The following NHSL2 variants were observed in gnomAD, a reference collection of about 807,000 sequenced individuals.
NHSL2 encodes the protein NHS like 2.
Under a neutral mutation model 53.4 loss-of-function variants are expected in NHSL2, and 27 were observed. The ratio of observed to expected loss-of-function variants is 0.51; its 90% CI spans 0.37 to 0.70. The LOEUF (loss-of-function observed/expected upper bound fraction) is 0.70, where lower values mean the gene tolerates loss of function less well. Among genes scored for constraint, NHSL2 ranks in the 30% least tolerant of loss-of-function variants. The pLI, the probability that NHSL2 is intolerant of heterozygous loss-of-function variation, is 0.00. For synonymous variants in NHSL2, 408 were observed against 404.1 expected (o/e 1.01, Z -0.12); for missense variants, 892 against 980.1 (o/e 0.91, Z 1.20).
chrX:71,914,402 C>T (rs2041618525), intron 1 of NHSL2, among the ~76,000 whole-genome samples: 1 of 112,232 alleles, frequency 8.9e-6, no homozygotes, highest in Non-Finnish European at 1.9e-5. Context: ...GCAATCAGGC[C>T]ATCCGCGTAG....
intron 1 of NHSL2, among the ~76,000 whole-genome samples, chrX:72,020,161 C>T (rs1210830694): frequency 8.9e-6 from 1 of 112,635 alleles, no homozygotes; most frequent in Non-Finnish European, 1.9e-5. Flanking sequence ...CAGGAAAGTA[C>T]AAAGAAGAAC....
At chrX:71,964,059 G>GTA (rs1382533208) in intron 1 of NHSL2, among the ~76,000 whole-genome samples, 2 of 72,436 alleles carry the variant, frequency 2.8e-5, no homozygotes, top group East Asian at 8.8e-4. Flanking sequence ...ATATATATGT[G>GTA]TATATATATA....
chrX:72,134,324 G>A (rs1302781446), intron 3 of NHSL2, 106 bp downstream of exon 3: 1 of 952,039 alleles, frequency 1.1e-6, no homozygotes, highest in Non-Finnish European at 1.4e-6. Context: ...CTGCTCACCA[G>A]CAGAGCTACC....
intron 5 of NHSL2, among the ~76,000 whole-genome samples, chrX:72,137,525 G>A (rs1443798094): frequency 8.9e-6 from 1 of 111,747 alleles, no homozygotes; most frequent in Admixed American, 9.5e-5. Context: ...AAGAGAGAGG[G>A]TTCCTCACCA....
At chrX:72,006,164 C>T (rs924496247) in intron 1 of NHSL2, among the ~76,000 whole-genome samples, 1 of 112,116 alleles carries the variant, frequency 8.9e-6, no homozygotes, top group Non-Finnish European at 1.9e-5. Context: ...TCCTTACTGG[C>T]CTCCTTTCTG....
intron 1 of NHSL2, among the ~76,000 whole-genome samples, chrX:71,935,572 G>GCGGAGT (rs779836340): frequency 8.9e-6 from 1 of 112,903 alleles, no homozygotes; most frequent in African/African-American, 3.2e-5. Context: ...TTGGTTCCAG[G>GCGGAGT]CGGAGTCGGT....
chrX:72,016,898 G>C (rs1242593005), intron 1 of NHSL2, among the ~76,000 whole-genome samples: 1 of 112,320 alleles, frequency 8.9e-6, no homozygotes, highest in Non-Finnish European at 1.9e-5. Context: ...CTTCACAGAA[G>C]GGAGTGAAGA....
chrX:72,066,751 T>C (rs1376206458), intron 1 of NHSL2, among the ~76,000 whole-genome samples: 1 of 112,117 alleles, frequency 8.9e-6, no homozygotes, highest in Non-Finnish European at 1.9e-5. Context: ...TGTCTTAGCC[T>C]GTTTAAGTAT....
intron 1 of NHSL2, among the ~76,000 whole-genome samples, chrX:71,946,904 C>T (rs781210064): frequency 6.3e-4 from 70 of 111,980 alleles, no homozygotes; most frequent in Admixed American, 4.8e-3. Flanking sequence ...CTTCCTTCTG[C>T]TGCCAGGGCT....
intron 1 of NHSL2, among the ~76,000 whole-genome samples, chrX:72,040,247 A>G (rs2042266281): frequency 8.9e-6 from 1 of 112,027 alleles, no homozygotes; most frequent in Non-Finnish European, 1.9e-5. Flanking sequence ...ATGGGAACAC[A>G]GATCATATCC....
chrX:71,988,867 C>T (rs1388982599), intron 1 of NHSL2, among the ~76,000 whole-genome samples: 1 of 111,869 alleles, frequency 8.9e-6, no homozygotes, highest in African/African-American at 3.3e-5. Context: ...AGAATGGCTA[C>T]TCCATAGGCA....
chrX:71,970,850 A>C (rs906114653), intron 1 of NHSL2, among the ~76,000 whole-genome samples: 55 of 111,024 alleles, frequency 5.0e-4, no homozygotes, highest in Non-Finnish European at 2.1e-4. Context: ...TGGTGCAGTC[A>C]TTGCTAACTG....
chrX:71,964,857 T>C (rs1392400911), intron 1 of NHSL2, among the ~76,000 whole-genome samples: 8 of 112,565 alleles, frequency 7.1e-5, no homozygotes, highest in Non-Finnish European at 1.3e-4. Context: ...TTAATTTTAA[T>C]GAGTCCAGTT....
intron 1 of NHSL2, among the ~76,000 whole-genome samples, chrX:72,126,219 C>G (rs1006106950): frequency 4.5e-5 from 5 of 111,751 alleles, no homozygotes; most frequent in Non-Finnish European, 9.4e-5. Flanking sequence ...TTGTTTCCCC[C>G]ACGGGAATCC....
At chrX:71,988,427 C>T (rs948305358) in intron 1 of NHSL2, among the ~76,000 whole-genome samples, 2 of 111,387 alleles carry the variant, frequency 1.8e-5, no homozygotes. Context: ...CGTTCTTAGT[C>T]GAGAGGGACT....
At chrX:71,955,820 C>T (rs1434457624) in intron 1 of NHSL2, among the ~76,000 whole-genome samples, 3 of 107,758 alleles carry the variant, frequency 2.8e-5, no homozygotes, top group African/African-American at 1.0e-4. Flanking sequence ...AGTTTTCATT[C>T]AATTCTGACC....
At chrX:72,121,015 C>T (rs966043359) in intron 1 of NHSL2, among the ~76,000 whole-genome samples, 5 of 112,598 alleles carry the variant, frequency 4.4e-5, no homozygotes, top group Non-Finnish European at 9.4e-5. Flanking sequence ...ATTGTGGATA[C>T]GCCTGGGGCC....
chrX:72,088,686 C>G (rs2041871186), intron 1 of NHSL2, among the ~76,000 whole-genome samples: 1 of 111,499 alleles, frequency 9.0e-6, no homozygotes, highest in African/African-American at 3.3e-5. Flanking sequence ...ACCAGACTGA[C>G]CAGGCTGCAG....
rs901872225 is a variant in NHSL2, at chrX:72,132,066, T to G, written c.281-13T>G. On this transcript the variant is annotated splice_polypyrimidine_tract_variant and intron_variant, in intron 1 of 7. Coordinates refer to ENST00000633930, the MANE Select transcript of NHSL2 (RefSeq NM_001013627.3). ...GCTCGCCTGCGCCTCTCACTGACTC[T>G]CTCCTTCCCTAGCTGCAGCTAACTC... The G allele has an allele frequency of 1.7e-6, 2 of 1,165,118 alleles. No homozygotes were observed. Among genetic ancestry groups the G allele is most frequent in the Non-Finnish European group, 2.3e-6 (2 of 871,518 alleles).
Sources: allele counts gnomAD v4.1 joint callset (sites outside exome capture counted in the v4.1 genomes callset), GRCh38; gene constraint gnomAD v4.1.1; transcripts MANE v1.5; gene names NCBI Gene and HGNC (gene_info 2026-07-23, HGNC 2026-07-21).